ACTR3C: variants seen among roughly 807,000 people sequenced by gnomAD.
ACTR3C encodes actin-related protein 3C.
Under a neutral mutation model 26.3 loss-of-function variants are expected in ACTR3C, and 18 were observed. The ratio of observed to expected loss-of-function variants is 0.68; its 90% CI spans 0.47 to 1.01. ACTR3C has a LOEUF of 1.01. ACTR3C is among the 50% of genes least tolerant of loss of function. The pLI is 0.00. For synonymous variants in ACTR3C, 55 were observed against 94.5 expected, an observed-to-expected ratio of 0.58 and a Z score of 2.42; for missense variants, 184 against 250.7, an observed-to-expected ratio of 0.73 and a Z score of 1.80.
the ACTR3C span, among the ~76,000 whole-genome samples, chr7:150,220,082 G>T: frequency 6.8e-6 from 1 of 147,336 alleles, no homozygotes; most frequent in African/African-American, 2.7e-5. Flanking sequence ...CCTGCGATCC[G>T]CCAACCATCC....
At chr7:150,307,855 C>A (rs1312822121) in intron 1 of ACTR3C, among the ~76,000 whole-genome samples, 1 of 152,190 alleles carries the variant, frequency 6.6e-6, no homozygotes, top group Admixed American at 6.5e-5. Flanking sequence ...GGGTAAGTGG[C>A]CTCTTTTTAT....
chr7:149,940,195 A>G, the ACTR3C span, among the ~76,000 whole-genome samples: 159 of 152,144 alleles, frequency 1.0e-3, no homozygotes, highest in Middle Eastern at 3.4e-3. Context: ...CTGATCAGGA[A>G]GCTAAACTAT....
At chr7:150,079,710 C>A in the ACTR3C span, among the ~76,000 whole-genome samples, 2 of 152,180 alleles carry the variant, frequency 1.3e-5, no homozygotes, top group African/African-American at 4.8e-5. Flanking sequence ...GTATCCTCCA[C>A]AGTGGGGGCA....
chr7:150,230,591 T>C, the ACTR3C span, among the ~76,000 whole-genome samples: 1 of 152,054 alleles, frequency 6.6e-6, no homozygotes, highest in African/African-American at 2.4e-5. Context: ...GGGATCTAGG[T>C]TGCATGCTCC....
At chr7:150,037,018 A>G in the ACTR3C span, among the ~76,000 whole-genome samples, 1 of 88,912 alleles carries the variant, frequency 1.1e-5, no homozygotes, top group Non-Finnish European at 2.6e-5. Context: ...TGGGGGTACC[A>G]ACAGCCAGGG....
chr7:150,181,267 C>A, the ACTR3C span, among the ~76,000 whole-genome samples: 108 of 150,360 alleles, frequency 7.2e-4, 6 homozygotes, highest in African/African-American at 2.6e-3. Flanking sequence ...TTTGAAATAA[C>A]AAATATTTAA....
At chr7:150,041,910 C>T in the ACTR3C span, among the ~76,000 whole-genome samples, 1 of 85,108 alleles carries the variant, frequency 1.2e-5, no homozygotes, top group African/African-American at 3.5e-5. Flanking sequence ...TCCTCAGAGC[C>T]AGGGGGGGAA....
the ACTR3C span, among the ~76,000 whole-genome samples, chr7:150,171,538 G>T: frequency 7.4e-5 from 11 of 148,988 alleles, no homozygotes; most frequent in African/African-American, 2.9e-4. Flanking sequence ...TAGAGCACAG[G>T]TTTCAAATCA....
the ACTR3C span, among the ~76,000 whole-genome samples, chr7:150,067,833 G>A: frequency 0.028 from 4,117 of 147,738 alleles, 226 homozygotes; most frequent in African/African-American, 0.1. Flanking sequence ...GGGAGGGTGC[G>A]GACACATTTT....
At chr7:150,220,258 C>T in the ACTR3C span, among the ~76,000 whole-genome samples, 4 of 148,080 alleles carry the variant, frequency 2.7e-5, no homozygotes, top group Non-Finnish European at 5.9e-5. Flanking sequence ...GTGGCCTTTC[C>T]CCGGGGGATA....
the ACTR3C span, among the ~76,000 whole-genome samples, chr7:150,012,317 C>CTTTTTTTTTTTTTTTTTTTTTTTT: frequency 2.6e-4 from 34 of 131,258 alleles, 11 homozygotes; most frequent in African/African-American, 6.4e-4. Context: ...ATAAATGCAT[C>CTTTTTTTTTTTTTTTTTTTTTTTT]TTTTTTTTTT....
chr7:150,107,334 T>C, the ACTR3C span, among the ~76,000 whole-genome samples: 1 of 151,920 alleles, frequency 6.6e-6, no homozygotes, highest in Non-Finnish European at 1.5e-5. Flanking sequence ...AATATCAGTG[T>C]CAACTTTGAA....
chr7:149,997,613 A>G, the ACTR3C span, among the ~76,000 whole-genome samples: 3 of 151,474 alleles, frequency 2.0e-5, no homozygotes, highest in Admixed American at 6.6e-5. Flanking sequence ...AATTCCACAT[A>G]AAGGCAGGAT....
the ACTR3C span, among the ~76,000 whole-genome samples, chr7:150,041,730 C>G: frequency 2.3e-5 from 3 of 129,624 alleles, no homozygotes; most frequent in Non-Finnish European, 4.8e-5. Context: ...CCCCCTCCTG[C>G]GATGGGGGTC....
At chr7:150,201,663 C>T in the ACTR3C span, among the ~76,000 whole-genome samples, 1 of 150,852 alleles carries the variant, frequency 6.6e-6, no homozygotes, top group East Asian at 1.9e-4. Flanking sequence ...GAGGCTGAGG[C>T]AGGAGAATCA....
chr7:149,929,937 C>T, the ACTR3C span, among the ~76,000 whole-genome samples: 1 of 152,192 alleles, frequency 6.6e-6, no homozygotes, highest in Non-Finnish European at 1.5e-5. Context: ...GAGTGAGGCG[C>T]GTCCCTATCT....
chr7:149,996,206 G>T, the ACTR3C span, among the ~76,000 whole-genome samples: 3 of 152,216 alleles, frequency 2.0e-5, no homozygotes, highest in South Asian at 6.2e-4. Context: ...CCCCGAGTGT[G>T]GCTCCATGGA....
At chr7:150,070,730 C>T in the ACTR3C span, among the ~76,000 whole-genome samples, 7 of 151,978 alleles carry the variant, frequency 4.6e-5, no homozygotes, top group Non-Finnish European at 7.4e-5. Context: ...GGATTACAGG[C>T]GTGAGCCACG....
At chr7:150,189,782 A>G in the ACTR3C span, among the ~76,000 whole-genome samples, 1 of 122,032 alleles carries the variant, frequency 8.2e-6, no homozygotes, top group African/African-American at 3.2e-5. Context: ...GATATACCAC[A>G]CTTATTTATC....
Sources: allele counts gnomAD v4.1 joint callset (sites outside exome capture counted in the v4.1 genomes callset), GRCh38; gene constraint gnomAD v4.1.1; transcripts MANE v1.5; gene names NCBI Gene and HGNC (gene_info 2026-07-23, HGNC 2026-07-21).